Variants in ITFG1 observed in about 807,000 individuals in gnomAD.
The protein encoded by ITFG1 is T-cell immunomodulatory protein.
Under a neutral mutation model 81.8 loss-of-function variants are expected in ITFG1, and 34 were observed. That is an observed-to-expected ratio of 0.42 (90% confidence interval 0.32 to 0.55). ITFG1 has a LOEUF of 0.55. Among genes scored for constraint, ITFG1 ranks in the 20% least tolerant of loss-of-function variants. The pLI is 0.17. For missense variants in ITFG1, 672 were observed against 755.4 expected (o/e 0.89, Z 1.29); for synonymous variants, 285 against 270.6 (o/e 1.05, Z -0.52).
At chr16:47,243,905 C>T (rs988602435) in intron 12 of ITFG1, among the ~76,000 whole-genome samples, 3 of 152,112 alleles carry the variant, frequency 2.0e-5, no homozygotes, top group Non-Finnish European at 4.4e-5. Flanking sequence ...GTGGCAGGTG[C>T]CTGTAATCCT....
chr16:47,269,623 A>C (rs1401789806), intron 10 of ITFG1, among the ~76,000 whole-genome samples: 1 of 152,172 alleles, frequency 6.6e-6, no homozygotes, highest in East Asian at 1.9e-4. Flanking sequence ...TTAAAAAATT[A>C]AACATCTAAA....
At chr16:47,167,742 A>G (rs562658896) in intron 14 of ITFG1, among the ~76,000 whole-genome samples, 2 of 152,226 alleles carry the variant, frequency 1.3e-5, no homozygotes, top group Non-Finnish European at 2.9e-5. Context: ...ACGGACGCGC[A>G]TGAAAAGTAC....
intron 7 of ITFG1, among the ~76,000 whole-genome samples, chr16:47,372,455 C>CTT (rs894738202): frequency 1.3e-3 from 182 of 143,198 alleles, no homozygotes; most frequent in African/African-American, 4.2e-3. Flanking sequence ...CTATTTCTCT[C>CTT]TTTTTTTTTT....
At chr16:47,256,510 G>C (rs1239854010) in intron 12 of ITFG1, among the ~76,000 whole-genome samples, 1 of 152,112 alleles carries the variant, frequency 6.6e-6, no homozygotes, top group African/African-American at 2.4e-5. Context: ...ACAGAGATAA[G>C]GAATGTACTT....
intron 6 of ITFG1, among the ~76,000 whole-genome samples, chr16:47,421,835 C>T (rs1968954203): frequency 6.6e-6 from 1 of 152,250 alleles, no homozygotes; most frequent in East Asian, 1.9e-4. Flanking sequence ...CACAGTCCCC[C>T]ACCCAGCAAC....
chr16:47,424,295 CTTT>C (rs1220540073), intron 6 of ITFG1, among the ~76,000 whole-genome samples: 4 of 152,276 alleles, frequency 2.6e-5, no homozygotes, highest in Admixed American at 2.0e-4. Context: ...CATTTAAGGT[CTTT>C]TTTACACTGT....
intron 14 of ITFG1, among the ~76,000 whole-genome samples, chr16:47,183,041 C>T (rs1288006968): frequency 6.6e-5 from 10 of 152,304 alleles, no homozygotes; most frequent in Non-Finnish European, 7.3e-5. Flanking sequence ...CACTCCCACC[C>T]GAATACCGCG....
intron 13 of ITFG1, among the ~76,000 whole-genome samples, chr16:47,236,944 C>T (rs1289950295): frequency 1.3e-5 from 2 of 152,180 alleles, no homozygotes; most frequent in African/African-American, 2.4e-5. Flanking sequence ...CTCATATAAA[C>T]GTTAACACTT....
At chr16:47,386,481 T>C (rs1036852445) in intron 6 of ITFG1, among the ~76,000 whole-genome samples, 2 of 152,148 alleles carry the variant, frequency 1.3e-5, no homozygotes, top group African/African-American at 4.8e-5. Context: ...AGAGGCTAAA[T>C]TCCAAGAGTG....
rs560520292 is a variant in ITFG1 at position 47,176,268 on chromosome 16, T to C, written c.1454-13604A>G. Among the ~76,000 whole-genome samples, 79 of 152,328 alleles carry C rather than the reference T, an allele frequency of 5.2e-4. No homozygotes were observed. The Middle Eastern group carries it at 0.01, about 20-fold the overall frequency. ...CTGTTCTCATTACTCACAGGGGAAT[T>C]CTAAGAGAAACACCATGTTTTTGTT... is the stretch of plus-strand genomic sequence containing the variant. On this transcript the variant is annotated intron_variant, in intron 14 of 17. Transcript: ENST00000320640.
chr16:47,438,109 C>T (rs867759148), intron 5 of ITFG1, among the ~76,000 whole-genome samples: 14 of 152,166 alleles, frequency 9.2e-5, no homozygotes, highest in South Asian at 2.1e-4. Context: ...TGAGATCAAA[C>T]GGTAAGGCCA....
Position 47,196,620 on chromosome 16 carries a change from T to A in ITFG1, c.1453+22248A>T, listed in dbSNP as rs1378674231. ...GTTGCCCACGCTTTGCTGTACTCCC[T>A]CCCTTTTGGAGTTTAGGCACAACTG... On this transcript the variant is annotated intron_variant, in intron 14 of 17. Coordinates refer to ENST00000320640, the MANE Select transcript of ITFG1 (RefSeq NM_030790.5). 6 of 152,240 alleles carry A rather than the reference T, an allele frequency of 3.9e-5. No individual in the cohort carries two copies. In the East Asian group the frequency reaches 9.6e-4, roughly 24 times the overall value. 9.4% of individuals were successfully genotyped at this position (152,240 alleles called of 1,614,324 possible). A position where few individuals can be genotyped will look rare whatever the true frequency, so the allele number is the denominator to read the frequency against.
chr16:47,240,471 A>T (rs573419966), intron 12 of ITFG1, among the ~76,000 whole-genome samples: 1 of 152,306 alleles, frequency 6.6e-6, no homozygotes, highest in South Asian at 2.1e-4. Context: ...CCAGATGACA[A>T]ATAGGAAAAG....
chr16:47,317,586 G>T (rs1021280029), intron 8 of ITFG1: 32 of 152,266 alleles, frequency 2.1e-4, no homozygotes, highest in African/African-American at 7.2e-4. Flanking sequence ...GAAGTTGTTG[G>T]ACATGAGAAT....
At chr16:47,155,805 T>C in intron 17 of ITFG1, 27 bp from the exon 18 acceptor site, 3 of 1,533,318 alleles carry the variant, frequency 2.0e-6, no homozygotes, top group Non-Finnish European at 1.8e-6. Flanking sequence ...GACTCGTTTA[T>C]AAATGGTAGA....
intron 6 of ITFG1, among the ~76,000 whole-genome samples, chr16:47,424,534 C>T (rs1029591653): frequency 3.9e-5 from 6 of 152,216 alleles, no homozygotes; most frequent in African/African-American, 1.4e-4. Flanking sequence ...GAATTTTCAG[C>T]TTTTCTGCTC....
At chr16:47,392,323 A>G (rs1968542187) in intron 6 of ITFG1, among the ~76,000 whole-genome samples, 1 of 152,186 alleles carries the variant, frequency 6.6e-6, no homozygotes, top group Admixed American at 6.5e-5. Context: ...TGAGGAAGTG[A>G]GCCCTGTGGA....
intron 8 of ITFG1, among the ~76,000 whole-genome samples, chr16:47,346,264 C>G (rs1224122789): frequency 2.0e-5 from 3 of 152,120 alleles, no homozygotes; most frequent in Non-Finnish European, 4.4e-5. Context: ...TATAAAAATA[C>G]TCATTGATAC....
intron 8 of ITFG1, among the ~76,000 whole-genome samples, chr16:47,345,059 G>A (rs2151578837): frequency 6.6e-6 from 1 of 152,264 alleles, no homozygotes; most frequent in Admixed American, 6.5e-5. Context: ...TCCCAGGAAA[G>A]TGGGGGAAAA....
Sources: allele counts gnomAD v4.1 joint callset (sites outside exome capture counted in the v4.1 genomes callset), GRCh38; gene constraint gnomAD v4.1.1; transcripts MANE v1.5; gene names NCBI Gene and HGNC (gene_info 2026-07-23, HGNC 2026-07-21).